Variants in CADPS2 observed in about 807,000 individuals in gnomAD.
CADPS2 encodes calcium dependent secretion activator 2.
In CADPS2, 93 loss-of-function variants were observed where a neutral mutation model predicts 172.5. The observed-to-expected ratio is 0.54, with a 90% CI of 0.46 to 0.64. The LOEUF is 0.64. CADPS2 is among the 30% of genes least tolerant of loss of function. The pLI is 0.00. For synonymous variants in CADPS2, 546 were observed against 555.2 expected (o/e 0.98, Z 0.23); for missense variants, 1,420 against 1,565.9 (o/e 0.91, Z 1.57).
intron 4 of CADPS2, among the ~76,000 whole-genome samples, chr7:122,624,943 A>G (rs904568863): frequency 2.6e-5 from 4 of 152,182 alleles, no homozygotes; most frequent in African/African-American, 9.7e-5. Flanking sequence ...AGGAACACAG[A>G]GTGAGTGGTG....
At chr7:122,381,824 G>T (rs774667574) in intron 24 of CADPS2, among the ~76,000 whole-genome samples, 6 of 152,064 alleles carry the variant, frequency 3.9e-5, no homozygotes, top group Non-Finnish European at 8.8e-5. Context: ...TAAAAACAAA[G>T]GAATAAAGAA....
chr7:122,340,948 A>T (rs2036687252), intron 28 of CADPS2, among the ~76,000 whole-genome samples: 1 of 152,098 alleles, frequency 6.6e-6, no homozygotes, highest in South Asian at 2.1e-4. Context: ...TTCCTACTAC[A>T]GGATAACTTC....
intron 6 of CADPS2, among the ~76,000 whole-genome samples, chr7:122,589,135 A>G (rs1341748767): frequency 6.6e-6 from 1 of 152,006 alleles, no homozygotes; most frequent in African/African-American, 2.4e-5. Context: ...TAATGGCCAC[A>G]TATACTCCAA....
intron 7 of CADPS2, among the ~76,000 whole-genome samples, chr7:122,567,400 T>A (rs1427919027): frequency 6.6e-6 from 1 of 152,168 alleles, no homozygotes; most frequent in African/African-American, 2.4e-5. Context: ...TTATTTGTCC[T>A]AAGGATTACA....
At chr7:122,514,410 G>A (rs1032823838) in intron 8 of CADPS2, among the ~76,000 whole-genome samples, 1 of 151,884 alleles carries the variant, frequency 6.6e-6, no homozygotes, top group Non-Finnish European at 1.5e-5. Context: ...TAAAATCTTA[G>A]GCTGAATCTT....
At chr7:122,841,932 A>G (rs1810644956) in intron 1 of CADPS2, among the ~76,000 whole-genome samples, 1 of 152,196 alleles carries the variant, frequency 6.6e-6, no homozygotes, top group African/African-American at 2.4e-5. Context: ...TCAAAATGGG[A>G]TAACATGGAG....
chr7:122,590,794 A>G (rs1475408755), intron 6 of CADPS2, among the ~76,000 whole-genome samples: 4 of 152,084 alleles, frequency 2.6e-5, no homozygotes, highest in African/African-American at 7.2e-5. Context: ...TCACTGCAAT[A>G]CAAAATTCAA....
chr7:122,347,030 C>T (rs765244469), intron 27 of CADPS2, among the ~76,000 whole-genome samples: 1 of 152,172 alleles, frequency 6.6e-6, no homozygotes, highest in Non-Finnish European at 1.5e-5. Context: ...ATAGATCCAT[C>T]GACCTAATGA....
At chr7:122,474,104 A>C (rs1291684560) in intron 13 of CADPS2, among the ~76,000 whole-genome samples, 1 of 152,128 alleles carries the variant, frequency 6.6e-6, no homozygotes, top group Non-Finnish European at 1.5e-5. Flanking sequence ...GCGTTCTTTA[A>C]AGTGACTGAT....
At chr7:122,784,645 T>C (rs957141837) in intron 1 of CADPS2, among the ~76,000 whole-genome samples, 1 of 152,232 alleles carries the variant, frequency 6.6e-6, no homozygotes, top group Non-Finnish European at 1.5e-5. Flanking sequence ...CCCATCTTCC[T>C]AACTTGCAGA....
chr7:122,692,474 G>A (rs747537802), intron 2 of CADPS2, among the ~76,000 whole-genome samples: 4 of 152,206 alleles, frequency 2.6e-5, no homozygotes, highest in Non-Finnish European at 4.4e-5. Flanking sequence ...TTAGTGCTGT[G>A]CAGTTCCTGG....
intron 6 of CADPS2, among the ~76,000 whole-genome samples, chr7:122,592,467 A>T (rs1374040871): frequency 2.6e-5 from 4 of 152,128 alleles, no homozygotes; most frequent in Non-Finnish European, 5.9e-5. Context: ...ATACCATTTG[A>T]CCCAGCCATC....
chr7:122,485,167 C>T (rs761493255), intron 11 of CADPS2, among the ~76,000 whole-genome samples: 8 of 152,150 alleles, frequency 5.3e-5, no homozygotes, highest in Non-Finnish European at 1.2e-4. Flanking sequence ...TAACTAACAA[C>T]CTGAAATGAT....
At chr7:122,813,392 AT>A (rs1215816322) in intron 1 of CADPS2, among the ~76,000 whole-genome samples, 2 of 152,120 alleles carry the variant, frequency 1.3e-5, no homozygotes, top group Non-Finnish European at 2.9e-5. Context: ...AATTATGCTA[AT>A]TTGTAATAAT....
At chr7:122,404,173 G>T (rs28399243) in intron 20 of CADPS2, among the ~76,000 whole-genome samples, 8,129 of 151,606 alleles carry the variant, frequency 0.054, 727 homozygotes, top group African/African-American at 0.19. Flanking sequence ...CCCCAGTGTG[G>T]GATGTTCCCC....
At chr7:122,584,481 C>T (rs2069345368) in intron 6 of CADPS2, among the ~76,000 whole-genome samples, 1 of 151,854 alleles carries the variant, frequency 6.6e-6, no homozygotes, top group African/African-American at 2.4e-5. Context: ...TTAAACTTAA[C>T]AGAGGTTCAT....
chr7:122,712,447 T>C (rs1448690174), intron 2 of CADPS2, among the ~76,000 whole-genome samples: 1 of 152,198 alleles, frequency 6.6e-6, no homozygotes, highest in Admixed American at 6.5e-5. Flanking sequence ...CCCTACTATG[T>C]GCATAGTACT....
At chr7:122,673,576 G>T (rs1420867508) in intron 2 of CADPS2, among the ~76,000 whole-genome samples, 1 of 151,992 alleles carries the variant, frequency 6.6e-6, no homozygotes, top group Non-Finnish European at 1.5e-5. Context: ...CAATCCTCCA[G>T]CTAGACATAA....
At chr7:122,516,502 C>T (rs185059805) in intron 8 of CADPS2, among the ~76,000 whole-genome samples, 1 of 152,228 alleles carries the variant, frequency 6.6e-6, no homozygotes, top group Admixed American at 6.5e-5. Context: ...CATGCCACTG[C>T]ACTCCGGCCT....
Sources: gnomAD v4.1 joint callset for allele counts (sites outside exome capture counted in the v4.1 genomes callset) on GRCh38, gnomAD v4.1.1 for gene constraint, MANE v1.5 for transcripts, NCBI Gene and HGNC (gene_info 2026-07-23, HGNC 2026-07-21) for gene names.